FHDC1: variants seen among roughly 807,000 people sequenced by gnomAD.
FHDC1 encodes the protein FH2 domain containing 1.
In FHDC1, 25 loss-of-function variants were observed where a neutral mutation model predicts 52.6. The ratio of observed to expected loss-of-function variants is 0.48; its 90% CI spans 0.35 to 0.66. The LOEUF (loss-of-function observed/expected upper bound fraction) is 0.66. FHDC1 is among the 30% of genes least tolerant of loss of function. The pLI is 0.01. For synonymous variants in FHDC1, 616 were observed against 581.5 expected, an observed-to-expected ratio of 1.06 and a Z score of -0.85; for missense variants, 1,459 against 1,452.8, an observed-to-expected ratio of 1.00 and a Z score of -0.07.
intron 1 of FHDC1, among the ~76,000 whole-genome samples, chr4:152,938,772 G>A (rs1249007942): frequency 2.0e-5 from 3 of 152,172 alleles, no homozygotes; most frequent in Non-Finnish European, 4.4e-5. Context: ...TTTGATTATT[G>A]TTGACCAAAG....
At position 152,943,470 on chromosome 4, in the gene FHDC1, T is replaced by C; in HGVS notation, c.413T>C (p.Phe138Ser). The C allele has an allele frequency of 6.2e-7, 1 of 1,613,850 alleles. No individual in the cohort carries two copies. Among genetic ancestry groups the C allele is most frequent in the Non-Finnish European group, 8.5e-7 (1 of 1,179,898 alleles). Residue 138 changes from phenylalanine (F) to serine (S), a missense_variant, in exon 2 of 12, where the codon TTT becomes TCT. By Grantham distance (155) the Phe-to-Ser change is radical. Around this residue, in one of 3 missense-constraint regions of FHDC1, gnomAD observed 513 missense variants for 581.5 expected, o/e 0.88. Coordinates refer to ENST00000511601, the MANE Select transcript of FHDC1 (RefSeq NM_001371116.1). ...QIDTKTIEEL[F>S]GQQEDTTKSS... ...GATACAAAGACCATTGAGGAGCTCT[T>C]TGGGCAGCAGGAAGACACCACCAAG...
rs372434314 is a variant in FHDC1 at position 152,961,302 on chromosome 4, G to A, written c.850+458G>A. ...CAGACCTCTTTTCCTGGGGTCAACC[G>A]TGTGACTCTTCTGCCAGGGTTCCTG... On this transcript the variant is annotated intron_variant, in intron 6 of 11. Coordinates refer to ENST00000511601, the MANE Select transcript of FHDC1 (RefSeq NM_001371116.1). Among the ~76,000 whole-genome samples the A allele has an allele frequency of 1.2e-4, 18 of 152,296 alleles. No individual in the cohort carries two copies. In the South Asian group the frequency reaches 1.7e-3, roughly 14 times the overall value.
At chr4:152,919,424 T>C in the FHDC1 span, among the ~76,000 whole-genome samples, 2 of 152,218 alleles carry the variant, frequency 1.3e-5, no homozygotes, top group African/African-American at 4.8e-5. Flanking sequence ...TCTGAGCATG[T>C]GTGTTTGTTG....
chr4:152,940,652 G>A (rs1430586648), intron 1 of FHDC1, among the ~76,000 whole-genome samples: 1 of 152,158 alleles, frequency 6.6e-6, no homozygotes, highest in Non-Finnish European at 1.5e-5. Flanking sequence ...TTTCTAGATT[G>A]GAGACTTTTT....
At chr4:152,940,194 A>G (rs1035046249) in intron 1 of FHDC1, among the ~76,000 whole-genome samples, 4 of 152,160 alleles carry the variant, frequency 2.6e-5, no homozygotes, top group Non-Finnish European at 5.9e-5. Flanking sequence ...GGGAAACCCT[A>G]TTGGAGTAAA....
chr4:152,922,845 A>T, the FHDC1 span, among the ~76,000 whole-genome samples: 1 of 151,662 alleles, frequency 6.6e-6, no homozygotes, highest in East Asian at 1.9e-4. Flanking sequence ...TTAGGTATTG[A>T]TGGGACATAT....
At chr4:152,923,540 C>T in the FHDC1 span, among the ~76,000 whole-genome samples, 10 of 152,142 alleles carry the variant, frequency 6.6e-5, no homozygotes, top group Middle Eastern at 3.4e-3. Flanking sequence ...AAAAAGAGCC[C>T]GCATCCCCAA....
chr4:152,963,769 G>GTTTTTTTTCTTTT (rs1740361449), intron 8 of FHDC1, among the ~76,000 whole-genome samples: 1 of 51,794 alleles, frequency 1.9e-5, no homozygotes, highest in Non-Finnish European at 3.7e-5. Context: ...CCATTGCTTT[G>GTTTTTTTTCTTTT]TTTTTTTTTT....
chr4:152,946,429 G>A (rs1305995697), intron 2 of FHDC1, among the ~76,000 whole-genome samples: 1 of 152,140 alleles, frequency 6.6e-6, no homozygotes, highest in African/African-American at 2.4e-5. Flanking sequence ...GCGTGGCTAG[G>A]AGTATTATAT....
the FHDC1 span, among the ~76,000 whole-genome samples, chr4:152,930,881 G>C: frequency 6.6e-6 from 1 of 151,372 alleles, no homozygotes; most frequent in Non-Finnish European, 1.5e-5. Context: ...CAATTGCTAA[G>C]TCACCAACAT....
chr4:152,973,351 C>T (rs569935938), intron 11 of FHDC1, among the ~76,000 whole-genome samples: 10 of 152,172 alleles, frequency 6.6e-5, no homozygotes, highest in Non-Finnish European at 1.3e-4. Context: ...TCTCTCAAGC[C>T]CAGAATTGCT....
intron 9 of FHDC1, 44 bp from the exon 10 acceptor site, chr4:152,967,936 G>A (rs796346780): frequency 6.9e-7 from 1 of 1,444,584 alleles, no homozygotes; most frequent in African/African-American, 1.4e-5. Flanking sequence ...CATGACACAT[G>A]GCTTCCTTGT....
rs1178644547 is a variant in FHDC1, at chr4:152,947,391, G to A, written c.498+3836G>A. ...AAAGACATATTACTGGGGATGAGAC[G>A]AGAGAGATTCAGCTCAAACTCATCT... On this transcript the variant is annotated intron_variant, in intron 2 of 11. Transcript: ENST00000511601. Among the ~76,000 whole-genome samples, 3 of 152,128 alleles carry A rather than the reference G, an allele frequency of 2.0e-5. No individual in the cohort carries two copies. In the East Asian group the frequency reaches 5.8e-4, roughly 29 times the overall value.
In FHDC1 at chr4:152,975,739, G is replaced by T; in HGVS notation, c.2448G>T (p.Gly816=). ...TGTCCTCTGGGGTTGGAGAAATGGG[G>T]GACAGCCAAGTCTCCTCCAACCCTA... ...GSMSSGVGEM[G]DSQVSSNPTS... Residue 816 remains glycine, a synonymous_variant, in exon 12 of 12, where the codon GGG becomes GGT. Coordinates refer to ENST00000511601, the MANE Select transcript of FHDC1 (RefSeq NM_001371116.1). 6.3e-7 allele frequency: 1 copy of T among 1,589,232 alleles called. No individual in the cohort carries two copies. Among genetic ancestry groups the T allele is most frequent in the Non-Finnish European group, 8.6e-7 (1 of 1,165,194 alleles).
intron 2 of FHDC1, among the ~76,000 whole-genome samples, chr4:152,949,315 A>G (rs539998167): frequency 1.3e-5 from 2 of 151,684 alleles, no homozygotes; most frequent in East Asian, 3.9e-4. Flanking sequence ...ATCTCCACAA[A>G]AAAATGTCTT....
chr4:152,975,623 GA>G lies in FHDC1; in HGVS notation c.2333del (p.Asp778AlafsTer4). 1 of 1,613,602 alleles carries G rather than the reference GA, an allele frequency of 6.2e-7. No homozygotes were observed. Among genetic ancestry groups the G allele is most frequent in the Non-Finnish European group, 8.5e-7 (1 of 1,180,010 alleles). ...TCTGTTCTGCATCTCGGACACCACCGACTGCTCACTGACCCTGGACTGCTCA... is the reference window on the plus strand; with the variant it reads ...TCTGTTCTGCATCTCGGACACCACCGCTGCTCACTGACCCTGGACTGCTCA... ...RPLFCISDTT[D>X]CSLTLDCSEG... is the part of the protein sequence containing the mutation. On this transcript the variant is annotated frameshift_variant, in exon 12 of 12. Transcript: ENST00000511601. LOFTEE classifies it low-confidence loss of function (END_TRUNC).
chr4:152,961,272 A>T (rs1017040928), intron 6 of FHDC1, among the ~76,000 whole-genome samples: 7 of 152,166 alleles, frequency 4.6e-5, no homozygotes, highest in African/African-American at 1.4e-4. Flanking sequence ...CAGCCTTTCC[A>T]GAAGCAGACC....
intron 8 of FHDC1, among the ~76,000 whole-genome samples, chr4:152,964,541 A>G (rs1211352399): frequency 6.6e-6 from 1 of 152,216 alleles, no homozygotes; most frequent in South Asian, 2.1e-4. Flanking sequence ...CTCTGTTTGC[A>G]AACTGGTTTA....
At chr4:152,943,952 C>G (rs752401463) in intron 2 of FHDC1, among the ~76,000 whole-genome samples, 8 of 152,210 alleles carry the variant, frequency 5.3e-5, no homozygotes, top group Non-Finnish European at 8.8e-5. Context: ...CTGACTGGGG[C>G]AGACTACCTT....
Sources: allele counts gnomAD v4.1 joint callset (sites outside exome capture counted in the v4.1 genomes callset), GRCh38; gene constraint gnomAD v4.1.1; regional missense constraint gnomAD v4.1.1; transcripts MANE v1.5; gene names NCBI Gene and HGNC (gene_info 2026-07-23, HGNC 2026-07-21).